KAT7: variants seen among roughly 807,000 people sequenced by gnomAD.
The protein encoded by KAT7 is lysine acetyltransferase 7, also known as histone acetyltransferase KAT7.
KAT7 carries 10 observed loss-of-function variants against 82.1 expected under a neutral mutation model. The observed-to-expected ratio is 0.12, with a 90% CI of 0.08 to 0.21. KAT7 has a LOEUF of 0.21. Ranked by LOEUF, KAT7 falls within the 10% of genes least tolerant of loss-of-function variation. The pLI, the probability that KAT7 is intolerant of heterozygous loss-of-function variation, is 1.00. For synonymous variants in KAT7, 250 were observed against 262.5 expected, an observed-to-expected ratio of 0.95 and a Z score of 0.46; for missense variants, 378 against 760.9, an observed-to-expected ratio of 0.50 and a Z score of 5.92.
At chr17:49,824,252 C>G (rs2074340424) in intron 12 of KAT7, among the ~76,000 whole-genome samples, 1 of 152,198 alleles carries the variant, frequency 6.6e-6, no homozygotes. Flanking sequence ...CTGTGAATAA[C>G]AAGACTCTAC....
intron 4 of KAT7, among the ~76,000 whole-genome samples, chr17:49,800,484 T>C (rs757827046): frequency 2.6e-5 from 4 of 152,192 alleles, no homozygotes; most frequent in Non-Finnish European, 4.4e-5. Flanking sequence ...ATTACACTAG[T>C]AGATGATATG....
chr17:49,801,342 G>A lies in KAT7; in HGVS notation c.580+2784G>A, dbSNP rs571979983. The stretch of plus-strand genomic sequence containing the variant: ...GGGGATTACAGGCATGTGCCACCAC[G>A]CCTGGCTAATTTTTGTATTTTTTAG... On this transcript the variant is annotated intron_variant, in intron 4 of 14. Coordinates refer to ENST00000259021, the MANE Select transcript of KAT7 (RefSeq NM_007067.5). Among the ~76,000 whole-genome samples, 213 of 152,108 alleles carry A rather than the reference G, an allele frequency of 1.4e-3. 1 individual carries two copies. Among genetic ancestry groups the A allele is most frequent in the Admixed American group, 2.5e-3 (38 of 15,286 alleles).
At position 49,803,047 on chromosome 17, in the gene KAT7, A is replaced by G. The variant is rs1047417798; in HGVS notation, c.581-2316A>G. Reference sequence around the variant, plus strand: ...GCCCAGCTGATGCTACATTGTATGTATGGTATTTGATCAGTGAGGATGGTT... The same window carrying G: ...GCCCAGCTGATGCTACATTGTATGTGTGGTATTTGATCAGTGAGGATGGTT... On this transcript the variant is annotated intron_variant, in intron 4 of 14. Coordinates refer to ENST00000259021, the MANE Select transcript of KAT7 (RefSeq NM_007067.5). Among the ~76,000 whole-genome samples, 8 of 151,480 alleles carry G rather than the reference A, an allele frequency of 5.3e-5. No homozygotes were observed. The South Asian group carries it at 6.2e-4, about 12-fold the overall frequency.
chr17:49,792,333 CCAT>C (rs1237307283), intron 2 of KAT7, among the ~76,000 whole-genome samples: 3 of 152,052 alleles, frequency 2.0e-5, no homozygotes, highest in South Asian at 2.1e-4. Flanking sequence ...CGCAGTGTCT[CCAT>C]CAGTAAAATT....
intron 4 of KAT7, among the ~76,000 whole-genome samples, chr17:49,804,319 C>T (rs532520084): frequency 6.6e-6 from 1 of 150,896 alleles, no homozygotes; most frequent in Non-Finnish European, 1.5e-5. Context: ...GCGGAACTTG[C>T]AGTGAGCCGA....
intron 11 of KAT7, 65 bp from the exon 12 acceptor site, chr17:49,823,137 G>A: frequency 1.1e-6 from 1 of 899,908 alleles, no homozygotes; most frequent in Non-Finnish European, 1.9e-6. Flanking sequence ...TTGCATCTGT[G>A]GAAGTGCTGA....
intron 14 of KAT7, 86 bp downstream of exon 14, chr17:49,826,885 C>T: frequency 1.2e-6 from 1 of 846,460 alleles, no homozygotes; most frequent in Non-Finnish European, 1.9e-6. Context: ...ACTGGAGAAC[C>T]TTCCCTTAAA....
intron 1 of KAT7, 26 bp downstream of exon 1, chr17:49,788,875 C>T (rs371348149): frequency 1.5e-5 from 23 of 1,574,612 alleles, no homozygotes; most frequent in Admixed American, 1.8e-5. Context: ...GGAGGGATGG[C>T]GGGTTTCTAA....
Position 49,823,654 on chromosome 17 carries a change from T to A in KAT7, c.1480+359T>A, listed in dbSNP as rs536306155. The A allele has an allele frequency of 1.4e-4, 28 of 195,210 alleles. 1 individual carries two copies. In the South Asian group the frequency reaches 2.0e-3, roughly 14 times the overall value. The allele number at this position is 195,210 out of a possible 1,614,324, so 12.1% of individuals were successfully genotyped here. A position where few individuals can be genotyped will look rare whatever the true frequency, so the allele number is the denominator to read the frequency against. The stretch of plus-strand genomic sequence containing the variant: ...TAGGGACTTGTCTAGAGGTAATCCA[T>A]GTACCCAATGGACCCTGTGCATAAT... On this transcript the variant is annotated intron_variant, in intron 12 of 14. Coordinates refer to ENST00000259021, the MANE Select transcript of KAT7 (RefSeq NM_007067.5).
intron 2 of KAT7, chr17:49,795,792 T>A (rs2143854656): frequency 4.5e-6 from 1 of 222,350 alleles, no homozygotes; most frequent in East Asian, 1.1e-4. Context: ...TGTTTTCACA[T>A]AAGATGTAGG....
intron 9 of KAT7, among the ~76,000 whole-genome samples, chr17:49,820,573 C>T (rs1191515998): frequency 6.6e-6 from 1 of 152,186 alleles, no homozygotes; most frequent in Non-Finnish European, 1.5e-5. Context: ...GCCACCGCAT[C>T]AGGCCTTAAA....
chr17:49,822,017 C>T (rs1216955632), intron 11 of KAT7, among the ~76,000 whole-genome samples: 2 of 152,042 alleles, frequency 1.3e-5, no homozygotes, highest in Admixed American at 6.6e-5. Context: ...GAATTGTGGA[C>T]TGGAGCTGCC....
chr17:49,815,807 A>T lies in KAT7; in HGVS notation c.857A>T (p.His286Leu). 6.3e-7 allele frequency: 1 copy of T among 1,598,212 alleles called. No individual in the cohort carries two copies. Among genetic ancestry groups the T allele is most frequent in the Non-Finnish European group, 8.6e-7 (1 of 1,166,676 alleles). The change falls in exon 8 of 15, where the codon CAC (histidine) becomes CTC (leucine). Residue 286 changes from histidine to leucine, a missense_variant. Physicochemically the swap from His to Leu is moderately conservative, Grantham distance 99. Around this residue, in one of 6 missense-constraint regions of KAT7, gnomAD observed 102 missense variants for 129.8 expected, o/e 0.79. Transcript: ENST00000259021. Reference protein sequence around the residue: ...SKEQKEKYMEHRQTYGNTREP... With the variant: ...SKEQKEKYMELRQTYGNTREP... ...ACGCTCTGGTTATTTTCCTAGGAACACAGACAGACCTATGGGAACACACGG... is the reference window on the plus strand; with the variant it reads ...ACGCTCTGGTTATTTTCCTAGGAACTCAGACAGACCTATGGGAACACACGG...
chr17:49,789,703 A>G (rs2073860430), intron 1 of KAT7: 1 of 152,072 alleles, frequency 6.6e-6, no homozygotes, highest in Admixed American at 6.6e-5. Flanking sequence ...GTTGCTGTGG[A>G]TTCAGAAATT....
chr17:49,795,818 A>C, intron 2 of KAT7: 1 of 213,400 alleles, frequency 4.7e-6, no homozygotes, highest in Non-Finnish European at 1.0e-5. Flanking sequence ...TTTGCAAAGA[A>C]TAGTTGCAAT....
At chr17:49,827,377 C>CT (rs763305647) in intron 14 of KAT7, 24 bp from the exon 15 acceptor site, 10 of 1,434,658 alleles carry the variant, frequency 7.0e-6, no homozygotes, top group Admixed American at 1.7e-5. Context: ...GTATGTAATC[C>CT]TTTTTCCCAT....
At chr17:49,793,972 T>C (rs917967203) in intron 2 of KAT7, among the ~76,000 whole-genome samples, 1 of 152,210 alleles carries the variant, frequency 6.6e-6, no homozygotes, top group African/African-American at 2.4e-5. Context: ...TGTTCCTAAC[T>C]TTATTTTTGA....
intron 6 of KAT7, 116 bp downstream of exon 6, chr17:49,809,324 T>A (rs2074132236): frequency 2.9e-6 from 2 of 700,180 alleles, no homozygotes; most frequent in Non-Finnish European, 4.9e-6. Flanking sequence ...ATCTTCCAGA[T>A]GTAAACTTAG....
At chr17:49,813,170 C>T (rs1051025311) in intron 7 of KAT7, among the ~76,000 whole-genome samples, 1 of 152,020 alleles carries the variant, frequency 6.6e-6, no homozygotes, top group African/African-American at 2.4e-5. Flanking sequence ...TTTTTCAACC[C>T]TTGTCCGCCT....
Sources: allele counts gnomAD v4.1 joint callset (sites outside exome capture counted in the v4.1 genomes callset), GRCh38; gene constraint gnomAD v4.1.1; regional missense constraint gnomAD v4.1.1; transcripts MANE v1.5; gene names NCBI Gene and HGNC (gene_info 2026-07-23, HGNC 2026-07-21).